The following ACOXL variants were observed in gnomAD, a reference collection of about 807,000 sequenced individuals.
The protein encoded by ACOXL is acyl-coenzyme A oxidase-like protein.
Under a neutral mutation model 71.9 loss-of-function variants are expected in ACOXL, and 70 were observed. That is an observed-to-expected ratio of 0.97 (90% CI 0.80 to 1.19). ACOXL has a LOEUF of 1.19. Ranked by LOEUF, ACOXL falls within the 50% of genes most tolerant of loss-of-function variation. The pLI is 0.00. For missense variants in ACOXL, 703 were observed against 736.3 expected (o/e 0.95, Z 0.52); for synonymous variants, 253 against 281.6 (o/e 0.90, Z 1.02).
intron 17 of ACOXL, chr2:111,099,516 G>C (rs1028696589): frequency 1.4e-4 from 22 of 152,252 alleles, no homozygotes; most frequent in African/African-American, 5.3e-4. Flanking sequence ...TGTCTCCCTA[G>C]CTGGGGAGGA....
intron 9 of ACOXL, among the ~76,000 whole-genome samples, chr2:110,810,616 TCCATCCATCATCCAC>T (rs1363090430): frequency 2.4e-4 from 36 of 152,032 alleles, no homozygotes; most frequent in African/African-American, 8.4e-4. Flanking sequence ...CATCTGTTCA[TCCATCCATCATCCAC>T]CCATCCATCA....
At chr2:111,053,002 C>T (rs534678248) in intron 16 of ACOXL, among the ~76,000 whole-genome samples, 4 of 152,252 alleles carry the variant, frequency 2.6e-5, no homozygotes, top group African/African-American at 9.6e-5. Flanking sequence ...TGGACCTGAC[C>T]CCTTAAGGAC....
intron 16 of ACOXL, among the ~76,000 whole-genome samples, chr2:111,056,869 C>G (rs1283546657): frequency 6.6e-6 from 1 of 151,678 alleles, no homozygotes; most frequent in East Asian, 1.9e-4. Flanking sequence ...TGGTGGCTTT[C>G]TGGACGCAGC....
chr2:111,095,831 C>G (rs923254874), intron 17 of ACOXL, among the ~76,000 whole-genome samples: 4 of 152,236 alleles, frequency 2.6e-5, no homozygotes, highest in African/African-American at 4.8e-5. Context: ...ATCTCAAAGC[C>G]TTCTTTGTCA....
At chr2:110,931,864 C>T (rs2060489295) in intron 11 of ACOXL, among the ~76,000 whole-genome samples, 1 of 152,188 alleles carries the variant, frequency 6.6e-6, no homozygotes, top group African/African-American at 2.4e-5. Context: ...AATTATTTGG[C>T]AGCTTCTTAC....
chr2:110,869,329 A>G (rs1694985477), intron 10 of ACOXL, among the ~76,000 whole-genome samples: 1 of 152,216 alleles, frequency 6.6e-6, no homozygotes. Context: ...TTAGGCATGT[A>G]TCAGAGCCAC....
intron 17 of ACOXL, among the ~76,000 whole-genome samples, chr2:111,110,877 A>G (rs1225022454): frequency 6.6e-6 from 1 of 152,180 alleles, no homozygotes; most frequent in Non-Finnish European, 1.5e-5. Flanking sequence ...TGATTTTCAG[A>G]TCATTTGGGA....
Position 110,763,793 on chromosome 2 carries a change from G to C in ACOXL, c.-22-4575G>C, listed in dbSNP as rs567201933. Among the ~76,000 whole-genome samples the C allele has an allele frequency of 1.8e-4, 28 of 152,228 alleles. 1 individual carries two copies. In the South Asian group the frequency reaches 5.8e-3, roughly 32 times the overall value. On this transcript the variant is annotated intron_variant, in intron 1 of 17. Transcript: ENST00000439055. Reference sequence around the variant, plus strand: ...ATATTTGCAACAGACACATAGACACGTCTAATATAAGACTGTTATTCAGAA... The same window carrying C: ...ATATTTGCAACAGACACATAGACACCTCTAATATAAGACTGTTATTCAGAA...
intron 11 of ACOXL, among the ~76,000 whole-genome samples, chr2:110,909,912 C>T (rs1040843460): frequency 9.9e-5 from 15 of 151,878 alleles, no homozygotes; most frequent in African/African-American, 3.4e-4. Context: ...AAGATCCATC[C>T]ATGCCACCTG....
intron 9 of ACOXL, among the ~76,000 whole-genome samples, chr2:110,834,435 C>T (rs944382061): frequency 2.6e-5 from 4 of 152,182 alleles, no homozygotes; most frequent in Admixed American, 6.5e-5. Context: ...TTGTTTGAAA[C>T]GTAAGCCTAA....
chr2:110,876,774 G>T (rs915866512), intron 10 of ACOXL, among the ~76,000 whole-genome samples: 1 of 152,158 alleles, frequency 6.6e-6, no homozygotes, highest in Non-Finnish European at 1.5e-5. Flanking sequence ...TATTCTTTCA[G>T]CAATGTTTGT....
intron 12 of ACOXL, among the ~76,000 whole-genome samples, chr2:110,980,683 C>A (rs1039442591): frequency 1.3e-5 from 2 of 152,156 alleles, no homozygotes; most frequent in Non-Finnish European, 2.9e-5. Flanking sequence ...TTCCCCAAAG[C>A]GCCTGGATAA....
intron 9 of ACOXL, among the ~76,000 whole-genome samples, chr2:110,816,214 TGATGGATGGATG>T (rs568333160): frequency 4.6e-5 from 7 of 150,966 alleles, no homozygotes; most frequent in African/African-American, 1.7e-4. Flanking sequence ...GATGGATAAA[TGATGGATGGATG>T]GATGGATGGA....
intron 2 of ACOXL, among the ~76,000 whole-genome samples, chr2:110,776,196 C>T (rs1285776322): frequency 3.3e-5 from 5 of 152,104 alleles, no homozygotes; most frequent in Admixed American, 6.5e-5. Context: ...TACACTGTTA[C>T]ATGAAGTATT....
chr2:110,874,215 G>A (rs1390374479), intron 10 of ACOXL, among the ~76,000 whole-genome samples: 4 of 152,210 alleles, frequency 2.6e-5, no homozygotes, highest in African/African-American at 7.2e-5. Context: ...TGCTTTTGGG[G>A]GGGTGGTGAG....
At chr2:110,845,866 C>A (rs1691776823) in intron 10 of ACOXL, among the ~76,000 whole-genome samples, 1 of 152,170 alleles carries the variant, frequency 6.6e-6, no homozygotes, top group African/African-American at 2.4e-5. Context: ...ACCTCTTCGC[C>A]ACTGTGAATA....
chr2:110,895,309 T>C (rs1168244230), intron 10 of ACOXL, among the ~76,000 whole-genome samples: 3 of 151,190 alleles, frequency 2.0e-5, no homozygotes, highest in Admixed American at 2.0e-4. Context: ...AACAGAAAAA[T>C]AAAGAGGACA....
intron 7 of ACOXL, 23 bp downstream of exon 7, chr2:110,799,123 C>T: frequency 4.4e-6 from 7 of 1,604,318 alleles, no homozygotes; most frequent in Non-Finnish European, 6.0e-6. Flanking sequence ...GTGCCCTTTT[C>T]CTGTGCTCAC....
intron 16 of ACOXL, among the ~76,000 whole-genome samples, chr2:111,082,924 T>A (rs1029903815): frequency 2.0e-5 from 3 of 151,804 alleles, no homozygotes; most frequent in South Asian, 4.2e-4. Context: ...CTCACCAAAC[T>A]AACACAAGAA....
Sources: gnomAD v4.1 joint callset for allele counts (sites outside exome capture counted in the v4.1 genomes callset) on GRCh38, gnomAD v4.1.1 for gene constraint, MANE v1.5 for transcripts, NCBI Gene and HGNC (gene_info 2026-07-23, HGNC 2026-07-21) for gene names.